ITGA4: variants seen among roughly 807,000 people sequenced by gnomAD.
The protein encoded by ITGA4 is integrin subunit alpha 4, also known as integrin alpha-4.
ITGA4 carries 63 observed loss-of-function variants against 133.6 expected under a neutral mutation model. The ratio of observed to expected loss-of-function variants is 0.47; its 90% CI spans 0.38 to 0.58. ITGA4 has a LOEUF of 0.58. Among genes scored for constraint, ITGA4 ranks in the 20% least tolerant of loss-of-function variants. The pLI, the probability that ITGA4 is intolerant of heterozygous loss-of-function variation, is 0.00. For synonymous variants in ITGA4, 483 were observed against 438.0 expected, an observed-to-expected ratio of 1.10 and a Z score of -1.28; for missense variants, 1,076 against 1,252.7, an observed-to-expected ratio of 0.86 and a Z score of 2.13.
rs1687332954 is a variant in ITGA4, at chr2:181,538,698, ATGAGTGAGAGGAAAC to A, written c.*3173_*3187del. Among the ~76,000 whole-genome samples, 1 of 152,172 alleles carries A rather than the reference ATGAGTGAGAGGAAAC, an allele frequency of 6.6e-6. No homozygotes were observed. The highest frequency in any genetic ancestry group is 2.4e-5 in the African/African-American group (1 of 41,446). On this transcript the variant is annotated 3_prime_UTR_variant, in exon 28 of 28. Coordinates refer to ENST00000397033, the MANE Select transcript of ITGA4 (RefSeq NM_000885.6). ...CTGAACAAAACATGTTACAGTAATT[ATGAGTGAGAGGAAAC>A]TAAGATGGAAGGATAAAAATCTAAC...
At chr2:181,485,423 G>A (rs1306859581) in intron 9 of ITGA4, among the ~76,000 whole-genome samples, 1 of 144,178 alleles carries the variant, frequency 6.9e-6, no homozygotes, top group Non-Finnish European at 1.5e-5. Context: ...TTTGCGTCTC[G>A]ATATTGTAAA....
rs1290363617 is a variant in ITGA4, at chr2:181,522,197, T to A, written c.1929T>A (p.His643Gln). Residue 643 changes from histidine (H) to glutamine (Q), a missense_variant, in exon 18 of 28, where the codon CAT becomes CAA. Physicochemically the swap from His to Gln is conservative, Grantham distance 24. Around this residue, in one of 4 missense-constraint regions of ITGA4, gnomAD observed 365 missense variants for 421.4 expected, o/e 0.87. Coordinates refer to ENST00000397033, the MANE Select transcript of ITGA4 (RefSeq NM_000885.6). ...VSAKIGFLKP[H>Q]ENKTYLAVGS... ...AATATTACTTAATTTTTAGGCCCCA[T>A]GAAAATAAAACATATCTTGCTGTTG... 1 of 1,573,532 alleles carries A rather than the reference T, an allele frequency of 6.4e-7. No individual in the cohort carries two copies. Among genetic ancestry groups the A allele is most frequent in the Non-Finnish European group, 8.6e-7 (1 of 1,157,300 alleles).
chr2:181,502,719 A>G (rs1051918630), intron 15 of ITGA4, among the ~76,000 whole-genome samples: 2 of 152,076 alleles, frequency 1.3e-5, no homozygotes, highest in African/African-American at 4.8e-5. Flanking sequence ...TTCTAGGAGA[A>G]TGGGAGAGTA....
rs145388504 is a variant in ITGA4 at position 181,501,700 on chromosome 2, C to T, written c.1695+2923C>T. ...TGAGAAAGAGGCTCTGTGATGACTC[C>T]AGGGTCTTTAGCCTGAGCCACTTGG... On this transcript the variant is annotated intron_variant, in intron 15 of 27. Transcript: ENST00000397033. Among the ~76,000 whole-genome samples the T allele has an allele frequency of 4.8e-3, 738 of 152,214 alleles. 8 individuals carry two copies. The highest frequency in any genetic ancestry group is 0.017 in the African/African-American group (703 of 41,546).
At chr2:181,465,502 C>T (rs779202882) in intron 2 of ITGA4, among the ~76,000 whole-genome samples, 1 of 152,010 alleles carries the variant, frequency 6.6e-6, no homozygotes, top group African/African-American at 2.4e-5. Flanking sequence ...GCATATTTCC[C>T]TGGAGTATTT....
At position 181,495,709 on chromosome 2, in the gene ITGA4, AAAAAC is replaced by A; in HGVS notation, c.1386-70_1386-66del. On this transcript the variant is annotated intron_variant, in intron 13 of 27. Coordinates refer to ENST00000397033, the MANE Select transcript of ITGA4 (RefSeq NM_000885.6). The surrounding 1 kb of genome is among the most constrained non-coding windows in gnomAD (Gnocchi z 4.3). Reference sequence around the variant, plus strand: ...AAATTACTTGGTGAATGTAAACTGAAAAAACAAACGCATTTCTCTCCTTAAGGAAA... The same window carrying A: ...AAATTACTTGGTGAATGTAAACTGAAAAACGCATTTCTCTCCTTAAGGAAA... 1.5e-6 allele frequency: 2 copies of A among 1,360,154 alleles called. No individual in the cohort carries two copies. The highest frequency in any genetic ancestry group is 1.3e-5 in the South Asian group (1 of 75,612). The allele number at this position is 1,360,154 out of a possible 1,614,324, so 84.3% of individuals were successfully genotyped here. A position where few individuals can be genotyped will look rare whatever the true frequency, so the allele number is the denominator to read the frequency against.
At position 181,482,342 on chromosome 2, in the gene ITGA4, T is replaced by G. The variant is rs1236850405; in HGVS notation, c.841-18T>G. 1 of 1,587,804 alleles carries G rather than the reference T, an allele frequency of 6.3e-7. No individual in the cohort carries two copies. The highest frequency in any genetic ancestry group is 2.2e-5 in the East Asian group (1 of 44,670). ...ATGTTATTCCTAAAAACTTTTCTAATTCTTTCCCTAATTACAGGCATATAT... is the reference window on the plus strand; with the variant it reads ...ATGTTATTCCTAAAAACTTTTCTAAGTCTTTCCCTAATTACAGGCATATAT... On this transcript the variant is annotated intron_variant, in intron 7 of 27. Coordinates refer to ENST00000397033, the MANE Select transcript of ITGA4 (RefSeq NM_000885.6).
At position 181,535,649 on chromosome 2, in the gene ITGA4, C is replaced by T. The variant is rs1023013286; in HGVS notation, c.*122C>T. On this transcript the variant is annotated 3_prime_UTR_variant, in exon 28 of 28. Coordinates refer to ENST00000397033, the MANE Select transcript of ITGA4 (RefSeq NM_000885.6). Reference sequence around the variant, plus strand: ...ACTTCTTTTACTCATGATCTTGTGACATATTATGTCTTCATGCAAGGGGAA... The same window carrying T: ...ACTTCTTTTACTCATGATCTTGTGATATATTATGTCTTCATGCAAGGGGAA... 1 of 1,268,078 alleles carries T rather than the reference C, an allele frequency of 7.9e-7. No homozygotes were observed. The highest frequency in any genetic ancestry group is 1.1e-6 in the Non-Finnish European group (1 of 939,248). 78.6% of individuals were successfully genotyped at this position (1,268,078 alleles called of 1,614,324 possible). A position where few individuals can be genotyped will look rare whatever the true frequency, so the allele number is the denominator to read the frequency against.
chr2:181,485,810 T>C, intron 9 of ITGA4, 71 bp from the exon 10 acceptor site: 3 of 1,312,468 alleles, frequency 2.3e-6, no homozygotes, highest in Non-Finnish European at 3.2e-6. Context: ...CCATATCCAA[T>C]TACAACAGTA....
intron 4 of ITGA4, among the ~76,000 whole-genome samples, chr2:181,477,413 G>A (rs1685701497): frequency 6.6e-6 from 1 of 152,088 alleles, no homozygotes; most frequent in African/African-American, 2.4e-5. Context: ...AATCAACAGA[G>A]TGAAGAGACA....
At chr2:181,474,898 T>G in intron 2 of ITGA4, 62 bp from the exon 3 acceptor site, 1 of 1,292,992 alleles carries the variant, frequency 7.7e-7, no homozygotes, top group South Asian at 1.3e-5. Flanking sequence ...GAGTGCACAG[T>G]TTTCTCTTCT....
intron 2 of ITGA4, among the ~76,000 whole-genome samples, chr2:181,471,772 A>C (rs1574379943): frequency 6.6e-6 from 1 of 152,134 alleles, no homozygotes; most frequent in South Asian, 2.1e-4. Context: ...GAACCACATC[A>C]CTGGCTTCCT....
In ITGA4 at chr2:181,481,591, C is replaced by T; in HGVS notation, c.755-7C>T. On this transcript the variant is annotated splice_region_variant and splice_polypyrimidine_tract_variant and intron_variant, in intron 6 of 27. Transcript: ENST00000397033. ...AGGACTCTCATACTTTCTCCCTTTT[C>T]TTAAAGGATATTCAGTCGGAGCTGG... The T allele has an allele frequency of 1.9e-6, 3 of 1,559,458 alleles. No homozygotes were observed. The highest frequency in any genetic ancestry group is 2.6e-6 in the Non-Finnish European group (3 of 1,135,888).
At chr2:181,508,706 T>C (rs201035981) in intron 15 of ITGA4, among the ~76,000 whole-genome samples, 2 of 85,772 alleles carry the variant, frequency 2.3e-5, no homozygotes, top group Admixed American at 1.0e-4. Flanking sequence ...AAACGAAAAA[T>C]AAATAAATAA....
intron 10 of ITGA4, among the ~76,000 whole-genome samples, chr2:181,490,043 G>C (rs542197598): frequency 4.6e-5 from 7 of 152,118 alleles, no homozygotes; most frequent in Non-Finnish European, 1.0e-4. Flanking sequence ...GGGGGTACGT[G>C]ACTGGGGGCT....
At chr2:181,507,727 C>T (rs542669164) in intron 15 of ITGA4, among the ~76,000 whole-genome samples, 1 of 152,162 alleles carries the variant, frequency 6.6e-6, no homozygotes, top group South Asian at 2.1e-4. Context: ...TATGTAAATA[C>T]TTGTTATACT....
At chr2:181,493,279 C>A (rs770123604) in intron 10 of ITGA4, 46 bp from the exon 11 acceptor site, 1 of 1,343,442 alleles carries the variant, frequency 7.4e-7, no homozygotes. Flanking sequence ...AAGTTGCATT[C>A]TTTGTATCAA....
chr2:181,509,867 T>G (rs1686472276), intron 16 of ITGA4, 60 bp downstream of exon 16: 3 of 1,295,696 alleles, frequency 2.3e-6, no homozygotes, highest in Non-Finnish European at 3.3e-6. Flanking sequence ...TTTTAAAATA[T>G]GGCATAATTC....
chr2:181,535,495 A>AGTT lies in ITGA4; in HGVS notation c.3068_3070dup (p.Ser1023_Tyr1024insCys). 1 of 1,609,988 alleles carries AGTT rather than the reference A, an allele frequency of 6.2e-7. No individual in the cohort carries two copies. Among genetic ancestry groups the AGTT allele is most frequent in the Non-Finnish European group, 8.5e-7 (1 of 1,177,780 alleles). On this transcript the variant is annotated inframe_insertion, in exon 28 of 28. Coordinates refer to ENST00000397033, the MANE Select transcript of ITGA4 (RefSeq NM_000885.6). ...AGAAGAAAACAGAAGAGACAGTTGG[A>AGTT]GTTATATCAACAGTAAAAGCAATGA... is the stretch of plus-strand genomic sequence containing the variant.
Sources: gnomAD v4.1 joint callset for allele counts (sites outside exome capture counted in the v4.1 genomes callset) on GRCh38, gnomAD v4.1.1 for gene constraint, gnomAD v4.1.1 regional missense constraint, Gnocchi (gnomAD v3.1) non-coding constraint, MANE v1.5 for transcripts, NCBI Gene and HGNC (gene_info 2026-07-23, HGNC 2026-07-21) for gene names.